The following LRP10 variants were observed in gnomAD, a reference collection of about 807,000 sequenced individuals.
The protein encoded by LRP10 is low-density lipoprotein receptor-related protein 10.
A neutral mutation model predicts 58.5 loss-of-function variants in LRP10; 42 were observed. The observed-to-expected ratio is 0.72, with a 90% CI of 0.56 to 0.93. The LOEUF is 0.93. LRP10 is among the 40% of genes least tolerant of loss of function. The pLI is 0.00. For synonymous variants in LRP10, 377 were observed against 388.5 expected, an observed-to-expected ratio of 0.97 and a Z score of 0.35; for missense variants, 872 against 940.1, an observed-to-expected ratio of 0.93 and a Z score of 0.95.
chr14:22,875,858 G>C lies in LRP10; in HGVS notation c.910G>C (p.Val304Leu), dbSNP rs765344470. The C allele has an allele frequency of 2.5e-6, 4 of 1,613,834 alleles. No individual in the cohort carries two copies. In the East Asian group the frequency reaches 8.9e-5, roughly 36 times the overall value. Residue 304 changes from valine (V) to leucine (L), a missense_variant, in exon 5 of 7, where the codon GTG becomes CTG. Transcript: ENST00000359591. ...NGRGFNATYHVRGYCLPWDRP... is the reference protein window; with the variant it reads ...NGRGFNATYHLRGYCLPWDRP... ...TCGTGGCTTCAATGCCACCTACCAT[G>C]TGCGGGGCTATTGCTTGCCTTGGGA...
Position 22,873,348 on chromosome 14 carries a change from G to A in LRP10, c.117G>A (p.Gln39=). 6.2e-7 allele frequency: 1 copy of A among 1,614,102 alleles called. No individual in the cohort carries two copies. Among genetic ancestry groups the A allele is most frequent in the Non-Finnish European group, 8.5e-7 (1 of 1,180,012 alleles). ...CCCCAGCAGTGCTCTTAGAAGTGCAGGGCACCTTACAGAGGCCCCTGGTCC... is the reference window on the plus strand; with the variant it reads ...CCCCAGCAGTGCTCTTAGAAGTGCAAGGCACCTTACAGAGGCCCCTGGTCC... ...EDPPAVLLEV[Q]GTLQRPLVRD... is the part of the protein sequence containing the mutation. The change falls in exon 3 of 7, where the codon CAG becomes CAA. Residue 39 remains glutamine (Q), a synonymous_variant. Transcript: ENST00000359591.
At position 22,877,383 on chromosome 14, in the gene LRP10, G is replaced by A; in HGVS notation, c.1998G>A (p.Leu666=). ...TGCGAGGCCGCCTGTTGCCCAGCCT[G>A]GGGCCCCCAGGACCAACCCGGAGCC... ...QALRGRLLPS[L]GPPGPTRSPP... is the part of the protein sequence containing the mutation. Residue 666 remains leucine (L), a synonymous_variant, in exon 7 of 7, where the codon CTG becomes CTA. Transcript: ENST00000359591. This position sits in a 1 kb window ranked among gnomAD's most constrained non-coding sequence, Gnocchi z 5.1. 1.2e-6 allele frequency: 2 copies of A among 1,613,686 alleles called. No individual in the cohort carries two copies. Among genetic ancestry groups the A allele is most frequent in the Non-Finnish European group, 1.7e-6 (2 of 1,179,836 alleles).
chr14:22,872,411 C>G, intron 1 of LRP10, 74 bp downstream of exon 1: 1 of 1,547,774 alleles, frequency 6.5e-7, no homozygotes, highest in Non-Finnish European at 8.9e-7. Context: ...CCAGTGCGGC[C>G]CCGCACTCTA....
At chr14:22,873,514 C>T in intron 3 of LRP10, 68 bp downstream of exon 3, 2 of 1,489,324 alleles carry the variant, frequency 1.3e-6, no homozygotes, top group Non-Finnish European at 1.8e-6. Context: ...TGGAAGTCTT[C>T]AGGGATCACT....
intron 1 of LRP10, 74 bp from the exon 2 acceptor site, chr14:22,872,664 T>C: frequency 6.7e-7 from 1 of 1,487,630 alleles, no homozygotes; most frequent in Non-Finnish European, 9.3e-7. Context: ...GATGGCTCCC[T>C]TGAGTTGCTC....
Position 22,872,739 on chromosome 14 carries a change from A to G in LRP10, c.36A>G (p.Gly12=), listed in dbSNP as rs1449866069. The G allele has an allele frequency of 6.2e-7, 1 of 1,614,038 alleles. No individual in the cohort carries two copies. Among genetic ancestry groups the G allele is most frequent in the East Asian group, 2.2e-5 (1 of 44,886 alleles). ...LLATLLLLLL[G]GALAHPDRII... ...TGCCCTTTCTCGTTCCTCCTCTAGG[A>G]GGCGCTCTGGCCCATCCAGACCGGA... is the stretch of plus-strand genomic sequence containing the variant. Residue 12 remains glycine, a splice_region_variant and synonymous_variant, in exon 2 of 7, where the codon GGA becomes GGG. Coordinates refer to ENST00000359591, the MANE Select transcript of LRP10 (RefSeq NM_014045.5).
rs537451688 is a variant in LRP10, at chr14:22,871,797, G to C, written c.-507G>C. On this transcript the variant is annotated 5_prime_UTR_variant, in exon 1 of 7. Coordinates refer to ENST00000359591, the MANE Select transcript of LRP10 (RefSeq NM_014045.5). ...CGGGGGTACCGCCTGGGCAAGGGCCGGGGCGCCGGGCCGAGCCACCTCTTC... is the reference window on the plus strand; with the variant it reads ...CGGGGGTACCGCCTGGGCAAGGGCCCGGGCGCCGGGCCGAGCCACCTCTTC... The C allele has an allele frequency of 6.9e-4, 125 of 180,288 alleles. No homozygotes were observed. Among genetic ancestry groups the C allele is most frequent in the African/African-American group, 2.3e-3 (98 of 41,714 alleles). 11.2% of individuals were successfully genotyped at this position (180,288 alleles called of 1,614,324 possible). A position where few individuals can be genotyped will look rare whatever the true frequency, so the allele number is the denominator to read the frequency against.
Position 22,875,233 on chromosome 14 carries a change from T to A in LRP10, c.394T>A (p.Ser132Thr). The change falls in exon 4 of 7, where the codon TCC (serine) becomes ACC (threonine). Residue 132 changes from serine to threonine, a missense_variant. Coordinates refer to ENST00000359591, the MANE Select transcript of LRP10 (RefSeq NM_014045.5). Reference sequence around the variant, plus strand: ...ACCCATGGGCCAGGGCTTCCTGCTCTCCTACAGCCAAGGTAGGCTGGACAG... The same window carrying A: ...ACCCATGGGCCAGGGCTTCCTGCTCACCTACAGCCAAGGTAGGCTGGACAG... ...RAPMGQGFLL[S>T]YSQDWLMCLQ... The A allele has an allele frequency of 6.3e-7, 1 of 1,597,314 alleles. No homozygotes were observed. Among genetic ancestry groups the A allele is most frequent in the South Asian group, 1.1e-5 (1 of 88,878 alleles).
rs762452468 is a variant in LRP10 at position 22,873,363 on chromosome 14, GC to G, written c.136del (p.Leu46TrpfsTer40). On this transcript the variant is annotated frameshift_variant, in exon 3 of 7. Transcript: ENST00000359591. LOFTEE classifies it high-confidence loss of function. Reference sequence around the variant, plus strand: ...TAGAAGTGCAGGGCACCTTACAGAGGCCCCTGGTCCGGGACAGCCGCACCTC... The same window carrying G: ...TAGAAGTGCAGGGCACCTTACAGAGGCCCTGGTCCGGGACAGCCGCACCTC... ...LLEVQGTLQR[P>X]LVRDSRTSPA... 1 of 1,614,062 alleles carries G rather than the reference GC, an allele frequency of 6.2e-7. No homozygotes were observed. Among genetic ancestry groups the G allele is most frequent in the Non-Finnish European group, 8.5e-7 (1 of 1,179,998 alleles).
At position 22,878,419 on chromosome 14, in the gene LRP10, A is replaced by T. The variant is rs4981444; in HGVS notation, c.*892A>T. 149,086 of 152,220 alleles carry T rather than the reference A, an allele frequency of 0.98. 73,076 individuals carry two copies. Among genetic ancestry groups the T allele is most frequent in the Middle Eastern group, 1 (294 of 294 alleles). 9.4% of individuals were successfully genotyped at this position (152,220 alleles called of 1,614,324 possible). On this transcript the variant is annotated 3_prime_UTR_variant, in exon 7 of 7. Coordinates refer to ENST00000359591, the MANE Select transcript of LRP10 (RefSeq NM_014045.5). ...AGGAAGGTTCTCATTTTTGGAGCAT[A>T]CCCTGAGCCCAGATCATAGGAGCAG...
intron 2 of LRP10, 92 bp downstream of exon 2, chr14:22,872,874 C>A: frequency 7.3e-7 from 1 of 1,369,462 alleles, no homozygotes; most frequent in Non-Finnish European, 1.0e-6. Context: ...ATGGGACCTA[C>A]CAAAGTTTTA....
chr14:22,876,996 T>C lies in LRP10; in HGVS notation c.1611T>C (p.Thr537=), dbSNP rs1257402842. The C allele has an allele frequency of 6.2e-7, 1 of 1,609,730 alleles. No individual in the cohort carries two copies. The highest frequency in any genetic ancestry group is 2.2e-5 in the East Asian group (1 of 44,868). Residue 537 remains threonine (T), a synonymous_variant, in exon 7 of 7, where the codon ACT becomes ACC. Coordinates refer to ENST00000359591, the MANE Select transcript of LRP10 (RefSeq NM_014045.5). ...TACAGATCTTACGCCAGGATATGAC[T>C]CCAGGAGGTGGCCCAGGTGCCCGCC... ...SLLQILRQDM[T]PGGGPGARRR...
Position 22,872,013 on chromosome 14 carries a change from G to T in LRP10, c.-291G>T. The T allele has an allele frequency of 1.8e-6, 1 of 542,382 alleles. No homozygotes were observed. The highest frequency in any genetic ancestry group is 3.3e-6 in the Non-Finnish European group (1 of 305,474). 33.6% of individuals were successfully genotyped at this position (542,382 alleles called of 1,614,324 possible). A position where few individuals can be genotyped will look rare whatever the true frequency, so the allele number is the denominator to read the frequency against. Reference sequence around the variant, plus strand: ...CTGCGGGCGGGCTGTAGGCGAGGGCGCGCCCCAGTGCCGAGACCCGGGGCT... The same window carrying T: ...CTGCGGGCGGGCTGTAGGCGAGGGCTCGCCCCAGTGCCGAGACCCGGGGCT... On this transcript the variant is annotated 5_prime_UTR_variant, in exon 1 of 7. Coordinates refer to ENST00000359591, the MANE Select transcript of LRP10 (RefSeq NM_014045.5).
chr14:22,877,138 T>G lies in LRP10; in HGVS notation c.1753T>G (p.Ser585Ala), dbSNP rs752224834. The G allele has an allele frequency of 1.7e-5, 28 of 1,610,578 alleles. No individual in the cohort carries two copies. The highest frequency in any genetic ancestry group is 2.1e-5 in the Non-Finnish European group (25 of 1,178,318). The change falls in exon 7 of 7, where the codon TCT becomes GCT. Residue 585 changes from serine to alanine, a missense_variant. By Grantham distance (99) the Ser-to-Ala change is moderately conservative (BLOSUM62 1). Transcript: ENST00000359591. The surrounding 1 kb of genome is among the most constrained non-coding windows in gnomAD (Gnocchi z 5.1). ...ASEARSQVTP[S>A]AAPLEALDGG... The stretch of plus-strand genomic sequence containing the variant: ...TGAGGCCAGATCCCAGGTCACACCT[T>G]CTGCTGCTCCCCTTGAGGCCCTAGA...
chr14:22,875,827 C>T lies in LRP10; in HGVS notation c.879C>T (p.Ser293=). The T allele has an allele frequency of 1.2e-6, 2 of 1,614,140 alleles. No homozygotes were observed. Among genetic ancestry groups the T allele is most frequent in the Non-Finnish European group, 1.7e-6 (2 of 1,180,016 alleles). ...AVVSYHTVAW[S]NGRGFNATYH... is the part of the protein sequence containing the mutation. ...TGTCCTACCACACAGTTGCTTGGAG[C>T]AATGGTCGTGGCTTCAATGCCACCT... Residue 293 remains serine, a synonymous_variant, in exon 5 of 7, where the codon AGC becomes AGT. Transcript: ENST00000359591.
rs1349150374 is a variant in LRP10 at position 22,878,064 on chromosome 14, A to T, written c.*537A>T. Reference sequence around the variant, plus strand: ...GCTCAGTAAGTTGAGGTCAAAAATAAAGGAATCATACATCTCAAAATTTTG... The same window carrying T: ...GCTCAGTAAGTTGAGGTCAAAAATATAGGAATCATACATCTCAAAATTTTG... On this transcript the variant is annotated 3_prime_UTR_variant, in exon 7 of 7. Transcript: ENST00000359591. 6.6e-6 allele frequency: 1 copy of T among 152,386 alleles called. No homozygotes were observed. 9.4% of individuals were successfully genotyped at this position (152,386 alleles called of 1,614,324 possible). A position where few individuals can be genotyped will look rare whatever the true frequency, so the allele number is the denominator to read the frequency against.
chr14:22,873,111 A>T, intron 2 of LRP10, 200 bp from the exon 3 acceptor site: 1 of 637,086 alleles, frequency 1.6e-6, no homozygotes, highest in Non-Finnish European at 2.7e-6. Context: ...ATTAGTATTT[A>T]CTGGTGAAGC....
chr14:22,872,816 T>A, intron 2 of LRP10, 34 bp downstream of exon 2: 2 of 1,612,016 alleles, frequency 1.2e-6, no homozygotes, highest in Non-Finnish European at 1.7e-6. Context: ...CTCCGTGGGC[T>A]TGGGAATGAG....
intron 4 of LRP10, 54 bp from the exon 5 acceptor site, chr14:22,875,301 G>A (rs2039990391): frequency 6.3e-7 from 1 of 1,583,328 alleles, no homozygotes; most frequent in African/African-American, 1.3e-5. Context: ...GGCAGAAGGG[G>A]AGGATCCTGA....
Sources: allele counts gnomAD v4.1 joint callset, GRCh38; gene constraint gnomAD v4.1.1; non-coding constraint Gnocchi (gnomAD v3.1); transcripts MANE v1.5; gene names NCBI Gene and HGNC (gene_info 2026-07-23, HGNC 2026-07-21).